ATRNL1: variants seen among roughly 807,000 people sequenced by gnomAD.
ATRNL1 encodes the protein attractin like 1, also known as attractin-like protein 1.
Under a neutral mutation model 182.7 loss-of-function variants are expected in ATRNL1, and 95 were observed. That is an observed-to-expected ratio of 0.52 (90% CI 0.44 to 0.62). The LOEUF is 0.62. Ranked by LOEUF, ATRNL1 falls within the 20% of genes least tolerant of loss-of-function variation. ATRNL1 has a pLI of 0.00. For synonymous variants in ATRNL1, 576 were observed against 568.3 expected, an observed-to-expected ratio of 1.01 and a Z score of -0.19; for missense variants, 1,471 against 1,679.5, an observed-to-expected ratio of 0.88 and a Z score of 2.17.
intron 28 of ATRNL1, among the ~76,000 whole-genome samples, chr10:115,887,789 C>G (rs1555110149): frequency 6.6e-6 from 1 of 151,900 alleles, no homozygotes; most frequent in East Asian, 1.9e-4. Context: ...TCTAATTTAT[C>G]ACCGAGTTCA....
intron 27 of ATRNL1, among the ~76,000 whole-genome samples, chr10:115,829,373 C>T (rs113702894): frequency 1.3e-4 from 19 of 151,938 alleles, no homozygotes; most frequent in South Asian, 2.1e-4. Flanking sequence ...AGATTTTAAG[C>T]GGGTAAGACA....
intron 28 of ATRNL1, among the ~76,000 whole-genome samples, chr10:115,929,395 C>A (rs1242210690): frequency 6.6e-6 from 1 of 151,984 alleles, no homozygotes; most frequent in Non-Finnish European, 1.5e-5. Flanking sequence ...AAGCATAAAT[C>A]CTTTGACTCA....
At chr10:115,566,506 T>C (rs182924562) in intron 26 of ATRNL1, among the ~76,000 whole-genome samples, 15 of 152,294 alleles carry the variant, frequency 9.8e-5, no homozygotes, top group African/African-American at 3.6e-4. Context: ...TTGTTTTCTA[T>C]GTAGAATGTT....
chr10:115,856,449 A>AAAAAAAAAAAAAAAAAAACAT (rs1565439910), intron 28 of ATRNL1, among the ~76,000 whole-genome samples: 1 of 147,860 alleles, frequency 6.8e-6, no homozygotes, highest in Non-Finnish European at 1.5e-5. Context: ...AAAAAAAAAA[A>AAAAAAAAAAAAAAAAAAACAT]AGCCATACAT....
chr10:115,234,542 T>G (rs1850092399), intron 9 of ATRNL1, among the ~76,000 whole-genome samples: 1 of 151,878 alleles, frequency 6.6e-6, no homozygotes, highest in Non-Finnish European at 1.5e-5. Context: ...GTACCAATAT[T>G]TTTTACAAAT....
chr10:115,319,254 CTT>C (rs1854460749), intron 18 of ATRNL1, among the ~76,000 whole-genome samples: 1 of 151,928 alleles, frequency 6.6e-6, no homozygotes. Flanking sequence ...GTCTGAGAGA[CTT>C]TGTAATGATT....
rs1345656383 is a variant in ATRNL1 at position 115,183,654 on chromosome 10, G to T, written c.1348+12362G>T. 3.3e-5 allele frequency among the ~76,000 whole-genome samples: 5 copies of T among 151,470 alleles called. No homozygotes were observed. In the East Asian group the frequency reaches 7.7e-4, roughly 23 times the overall value. On this transcript the variant is annotated intron_variant, in intron 8 of 28. Coordinates refer to ENST00000355044, the MANE Select transcript of ATRNL1 (RefSeq NM_207303.4). ...TGAACCCAGTAAATATAAAAAATTT[G>T]TATAAAGCACTTTCCTTAGAAAAAG...
intron 19 of ATRNL1, among the ~76,000 whole-genome samples, chr10:115,359,970 A>C (rs1384762434): frequency 6.6e-6 from 1 of 151,612 alleles, no homozygotes; most frequent in Non-Finnish European, 1.5e-5. Flanking sequence ...TAAGCGTCCA[A>C]CTTCTGGAAT....
intron 8 of ATRNL1, among the ~76,000 whole-genome samples, chr10:115,184,147 G>T (rs1370786847): frequency 6.6e-6 from 1 of 151,096 alleles, no homozygotes; most frequent in African/African-American, 2.4e-5. Flanking sequence ...GTAGGTCAAA[G>T]GAGAAAAATG....
chr10:115,683,684 T>G (rs886872000), intron 26 of ATRNL1, among the ~76,000 whole-genome samples: 7 of 151,358 alleles, frequency 4.6e-5, no homozygotes, highest in African/African-American at 1.7e-4. Flanking sequence ...GCTGGAAAAT[T>G]CAACCCAAAC....
At position 115,814,102 on chromosome 10, in the gene ATRNL1, C is replaced by T. The variant is rs536653229; in HGVS notation, c.3904-33775C>T. On this transcript the variant is annotated intron_variant, in intron 27 of 28. Coordinates refer to ENST00000355044, the MANE Select transcript of ATRNL1 (RefSeq NM_207303.4). ...TTAAAAAATGAGTAAAGTAGGTCAA[C>T]ACCCAGCTCACTCCCTGACATCACA... 2.0e-5 allele frequency among the ~76,000 whole-genome samples: 3 copies of T among 152,188 alleles called. No homozygotes were observed. The East Asian group carries it at 5.8e-4, about 29-fold the overall frequency.
intron 28 of ATRNL1, among the ~76,000 whole-genome samples, chr10:115,920,250 G>A (rs1236876107): frequency 6.6e-6 from 1 of 152,096 alleles, no homozygotes; most frequent in South Asian, 2.1e-4. Flanking sequence ...TCACCTTCAC[G>A]GATATCCAGC....
chr10:115,806,650 T>G (rs1424024361), intron 27 of ATRNL1, among the ~76,000 whole-genome samples: 1 of 152,114 alleles, frequency 6.6e-6, no homozygotes, highest in Non-Finnish European at 1.5e-5. Flanking sequence ...ATTAATTGAT[T>G]AGAATATGAA....
chr10:115,377,027 CA>C (rs1338387052), intron 19 of ATRNL1, among the ~76,000 whole-genome samples: 1 of 151,958 alleles, frequency 6.6e-6, no homozygotes, highest in Non-Finnish European at 1.5e-5. Flanking sequence ...TCATTTCTGT[CA>C]TATTTTGTAG....
intron 9 of ATRNL1, among the ~76,000 whole-genome samples, chr10:115,236,596 T>C (rs1467014416): frequency 6.6e-6 from 1 of 152,204 alleles, no homozygotes; most frequent in Non-Finnish European, 1.5e-5. Flanking sequence ...CAATAAACTC[T>C]ATGTTTTAGA....
chr10:115,879,806 G>T (rs1243333975), intron 28 of ATRNL1, among the ~76,000 whole-genome samples: 1 of 152,140 alleles, frequency 6.6e-6, no homozygotes, highest in African/African-American at 2.4e-5. Flanking sequence ...AACCAGCAGC[G>T]GAGGCTGCAG....
chr10:115,350,369 T>G (rs1010231082), intron 19 of ATRNL1, among the ~76,000 whole-genome samples: 4 of 119,030 alleles, frequency 3.4e-5, no homozygotes, highest in African/African-American at 1.1e-4. Context: ...AAAAAAGAAT[T>G]TCCTCAATGT....
At chr10:115,469,388 C>G in intron 24 of ATRNL1, 59 bp downstream of exon 24, 2 of 1,139,548 alleles carry the variant, frequency 1.8e-6, no homozygotes, top group Non-Finnish European at 2.4e-6. Context: ...AAGAATGGTG[C>G]TTTTGTCCAA....
At chr10:115,551,413 A>G (rs1179245323) in intron 26 of ATRNL1, among the ~76,000 whole-genome samples, 1 of 151,446 alleles carries the variant, frequency 6.6e-6, no homozygotes, top group Admixed American at 6.6e-5. Context: ...TAAAAGACAA[A>G]TAGTAGAGGG....
Sources: gnomAD v4.1 joint callset for allele counts (sites outside exome capture counted in the v4.1 genomes callset) on GRCh38, gnomAD v4.1.1 for gene constraint, MANE v1.5 for transcripts, NCBI Gene and HGNC (gene_info 2026-07-23, HGNC 2026-07-21) for gene names.